ANO3: variants seen among roughly 807,000 people sequenced by gnomAD.
ANO3 encodes anoctamin-3.
A neutral mutation model predicts 144.8 loss-of-function variants in ANO3; 99 were observed. The observed-to-expected ratio is 0.68, with a 90% CI of 0.58 to 0.81. The LOEUF (loss-of-function observed/expected upper bound fraction) is 0.81, where lower values mean the gene tolerates loss of function less well. Ranked by LOEUF, ANO3 falls within the 30% of genes least tolerant of loss-of-function variation. ANO3 has a pLI of 0.00. For missense variants in ANO3, 905 were observed against 1,202.2 expected, an observed-to-expected ratio of 0.75 and a Z score of 3.66; for synonymous variants, 414 against 392.6, an observed-to-expected ratio of 1.05 and a Z score of -0.64.
intron 1 of ANO3, among the ~76,000 whole-genome samples, chr11:26,283,349 T>C (rs182097184): frequency 1.2e-5 from 1 of 84,092 alleles, no homozygotes; most frequent in Non-Finnish European, 2.4e-5. Context: ...TATATATATA[T>C]ATATATATAT....
At chr11:26,491,226 G>A (rs1202986619) in intron 4 of ANO3, among the ~76,000 whole-genome samples, 3 of 152,138 alleles carry the variant, frequency 2.0e-5, no homozygotes, top group Non-Finnish European at 4.4e-5. Flanking sequence ...GTGAGGCTGA[G>A]CAGTTATGAT....
intron 1 of ANO3, among the ~76,000 whole-genome samples, chr11:26,378,092 A>G (rs1856464384): frequency 6.6e-6 from 1 of 152,036 alleles, no homozygotes; most frequent in African/African-American, 2.4e-5. Context: ...AAACACTTAG[A>G]CTGAAGGCCT....
chr11:26,280,978 A>G (rs1025874651), intron 1 of ANO3, among the ~76,000 whole-genome samples: 1 of 152,194 alleles, frequency 6.6e-6, no homozygotes, highest in African/African-American at 2.4e-5. Context: ...CAAAATCAGT[A>G]AGAACATGAA....
At chr11:26,535,510 T>C (rs1279278078) in intron 9 of ANO3, among the ~76,000 whole-genome samples, 1 of 150,748 alleles carries the variant, frequency 6.6e-6, no homozygotes, top group Non-Finnish European at 1.5e-5. Context: ...TACCAATCTC[T>C]ACTGATTTTA....
intron 22 of ANO3, among the ~76,000 whole-genome samples, chr11:26,642,906 C>T (rs558340071): frequency 6.6e-6 from 1 of 151,888 alleles, no homozygotes; most frequent in East Asian, 1.9e-4. Flanking sequence ...TCTTCTTTTT[C>T]TCTCTCCTTC....
At chr11:26,633,410 A>C (rs1400945942) in intron 18 of ANO3, among the ~76,000 whole-genome samples, 1 of 152,212 alleles carries the variant, frequency 6.6e-6, no homozygotes, top group Non-Finnish European at 1.5e-5. Context: ...CAAGGCTGAG[A>C]TAAGAGCTCA....
At chr11:26,293,751 G>A (rs796731594) in intron 1 of ANO3, among the ~76,000 whole-genome samples, 1 of 151,692 alleles carries the variant, frequency 6.6e-6, no homozygotes, top group African/African-American at 2.4e-5. Flanking sequence ...GGATAAAAAG[G>A]ACATTAAACT....
chr11:26,633,134 C>A (rs1224696085), intron 18 of ANO3, among the ~76,000 whole-genome samples: 1 of 152,084 alleles, frequency 6.6e-6, no homozygotes, highest in Non-Finnish European at 1.5e-5. Context: ...GAGATCCTAT[C>A]TATTTTCCAT....
At chr11:26,262,476 G>C (rs1009352182) in intron 1 of ANO3, among the ~76,000 whole-genome samples, 1 of 152,080 alleles carries the variant, frequency 6.6e-6, no homozygotes, top group Non-Finnish European at 1.5e-5. Flanking sequence ...TCTTATAAGA[G>C]AAGCTTATAC....
At chr11:26,506,059 A>T (rs1023046360) in intron 4 of ANO3, among the ~76,000 whole-genome samples, 1 of 151,558 alleles carries the variant, frequency 6.6e-6, no homozygotes. Flanking sequence ...ATATGTCATT[A>T]GTGACATTGT....
chr11:26,553,231 TTTTTG>T lies in ANO3; in HGVS notation c.1290-13_1290-9del, dbSNP rs752568932. On this transcript the variant is annotated splice_polypyrimidine_tract_variant and intron_variant, in intron 12 of 26. Transcript: ENST00000256737. ...CATGCTATGTTTTGTTTTGTTTTTG[TTTTTG>T]TTTTTTCTCAAGCCAAGAAATTTGT... 2 of 1,227,254 alleles carry T rather than the reference TTTTTG, an allele frequency of 1.6e-6. No individual in the cohort carries two copies. The highest frequency in any genetic ancestry group is 2.3e-5 in the African/African-American group (1 of 42,752). The allele number at this position is 1,227,254 out of a possible 1,614,324, so 76.0% of individuals were successfully genotyped here.
intron 1 of ANO3, among the ~76,000 whole-genome samples, chr11:26,262,681 G>A (rs952766645): frequency 2.0e-5 from 3 of 151,282 alleles, no homozygotes; most frequent in African/African-American, 7.3e-5. Context: ...GGTCGGAAAG[G>A]TAGAGCCCTC....
At chr11:26,608,511 C>T (rs1482463595) in intron 17 of ANO3, among the ~76,000 whole-genome samples, 4 of 152,134 alleles carry the variant, frequency 2.6e-5, no homozygotes, top group African/African-American at 4.8e-5. Flanking sequence ...CCAGTCTTCT[C>T]GGCTGCCTGG....
chr11:26,541,858 A>T (rs1243491168), intron 10 of ANO3, 89 bp from the exon 11 acceptor site: 1 of 1,270,628 alleles, frequency 7.9e-7, no homozygotes, highest in East Asian at 2.6e-5. Context: ...TAAGTTGTTA[A>T]ATTATTCTGC....
chr11:26,432,358 C>G (rs1312628009), intron 1 of ANO3, among the ~76,000 whole-genome samples: 1 of 152,124 alleles, frequency 6.6e-6, no homozygotes, highest in Non-Finnish European at 1.5e-5. Context: ...CCTATGTAGG[C>G]TGTCTGTTTA....
chr11:26,218,458 A>C (rs1852077250), intron 1 of ANO3, among the ~76,000 whole-genome samples: 1 of 151,976 alleles, frequency 6.6e-6, no homozygotes, highest in African/African-American at 2.4e-5. Context: ...CATCTGTAAC[A>C]CTTACCCTCC....
chr11:26,248,635 T>G (rs182105042), intron 1 of ANO3, among the ~76,000 whole-genome samples: 66 of 152,364 alleles, frequency 4.3e-4, no homozygotes, highest in Non-Finnish European at 8.4e-4. Flanking sequence ...GGATTATGTA[T>G]GCAGATGTTT....
chr11:26,389,681 CAT>C (rs1296762905), intron 1 of ANO3, among the ~76,000 whole-genome samples: 2 of 151,994 alleles, frequency 1.3e-5, no homozygotes, highest in Non-Finnish European at 2.9e-5. Flanking sequence ...TTAAGTACCA[CAT>C]GTTTGCTAAT....
intron 14 of ANO3, among the ~76,000 whole-genome samples, chr11:26,568,549 C>T (rs1220329454): frequency 1.3e-5 from 2 of 151,780 alleles, no homozygotes; most frequent in Non-Finnish European, 2.9e-5. Context: ...TTACAAAACA[C>T]TGATAATATA....
Sources: allele counts gnomAD v4.1 joint callset (sites outside exome capture counted in the v4.1 genomes callset), GRCh38; gene constraint gnomAD v4.1.1; transcripts MANE v1.5; gene names NCBI Gene and HGNC (gene_info 2026-07-23, HGNC 2026-07-21).